NALCN: variants seen among roughly 807,000 people sequenced by gnomAD.
The protein encoded by NALCN is sodium leak channel NALCN.
A neutral mutation model predicts 225.3 loss-of-function variants in NALCN; 111 were observed. That is an observed-to-expected ratio of 0.49 (90% confidence interval 0.42 to 0.58). The LOEUF (loss-of-function observed/expected upper bound fraction) is 0.58, where lower values mean the gene tolerates loss of function less well. Among genes scored for constraint, NALCN ranks in the 20% least tolerant of loss-of-function variants. NALCN has a pLI of 0.00. For synonymous variants in NALCN, 764 were observed against 769.0 expected (o/e 0.99, Z 0.11); for missense variants, 1,378 against 2,202.4 (o/e 0.63, Z 7.49).
chr13:101,216,020 G>C (rs994149726), intron 13 of NALCN, among the ~76,000 whole-genome samples: 7 of 152,096 alleles, frequency 4.6e-5, no homozygotes, highest in African/African-American at 1.7e-4. Context: ...CGAAGGGTAG[G>C]GGATGATGCA....
chr13:101,194,383 C>G (rs1339918688), intron 13 of NALCN, among the ~76,000 whole-genome samples: 2 of 152,090 alleles, frequency 1.3e-5, no homozygotes, highest in Non-Finnish European at 2.9e-5. Flanking sequence ...ATGAATAAAC[C>G]AATGAAAGGT....
intron 15 of NALCN, among the ~76,000 whole-genome samples, chr13:101,155,690 C>A (rs536377602): frequency 1.3e-5 from 2 of 152,218 alleles, no homozygotes; most frequent in South Asian, 2.1e-4. Flanking sequence ...CCAACTGACA[C>A]TTAGAAGAAT....
In NALCN at chr13:101,237,810, C is replaced by T; in HGVS notation, c.1379G>A (p.Gly460Glu). Reference protein sequence around the residue: ...LHKFELLLVIGTTLHVYPDLY... With the variant: ...LHKFELLLVIETTLHVYPDLY... Reference sequence around the variant, plus strand: ...ATCTGGGTATACATGAAGAGTAGTTCCAATTACGAGTAGTAGTTCGAATTT... The same window carrying T: ...ATCTGGGTATACATGAAGAGTAGTTTCAATTACGAGTAGTAGTTCGAATTT... Residue 460 changes from glycine (G) to glutamate (E), a missense_variant, in exon 12 of 44, where the codon GGA becomes GAA. Gly to Glu is a moderately conservative substitution (Grantham distance 98, BLOSUM62 -2). Around this residue, in one of 19 missense-constraint regions of NALCN, gnomAD observed 144 missense variants for 187.7 expected, o/e 0.77. Transcript: ENST00000251127. 2.5e-6 allele frequency: 4 copies of T among 1,606,612 alleles called. No homozygotes were observed. Among genetic ancestry groups the T allele is most frequent in the Non-Finnish European group, 3.4e-6 (4 of 1,176,782 alleles).
intron 14 of NALCN, among the ~76,000 whole-genome samples, chr13:101,191,066 T>C (rs2039659828): frequency 6.6e-6 from 1 of 152,190 alleles, no homozygotes; most frequent in African/African-American, 2.4e-5. Flanking sequence ...AATAATATTG[T>C]AAGATATTTT....
At chr13:101,151,421 C>T (rs1370403725) in intron 15 of NALCN, among the ~76,000 whole-genome samples, 1 of 152,016 alleles carries the variant, frequency 6.6e-6, no homozygotes, top group African/African-American at 2.4e-5. Context: ...CAAAAGAAAA[C>T]AATTTAAAAA....
In NALCN at chr13:101,199,705, G is replaced by A. The variant is rs1045010133; in HGVS notation, c.1627-7651C>T. On this transcript the variant is annotated intron_variant, in intron 13 of 43. Transcript: ENST00000251127. ...AGGAGATATAGCTAATGTAAATGAC[G>A]AGTTAATGGGTGCAGCACACTAACA... 4.0e-5 allele frequency among the ~76,000 whole-genome samples: 6 copies of A among 149,876 alleles called. No individual in the cohort carries two copies. In the East Asian group the frequency reaches 6.1e-4, roughly 15 times the overall value.
At chr13:101,249,662 G>A (rs2042003746) in intron 11 of NALCN, among the ~76,000 whole-genome samples, 1 of 152,104 alleles carries the variant, frequency 6.6e-6, no homozygotes, top group Admixed American at 6.6e-5. Flanking sequence ...AGTCTGTGTA[G>A]TCAGCTCAGT....
At chr13:101,083,844 T>A (rs1401336521) in intron 30 of NALCN, 40 bp from the exon 31 acceptor site, 2 of 1,592,820 alleles carry the variant, frequency 1.3e-6, no homozygotes, top group South Asian at 1.1e-5. Flanking sequence ...CCTTTTGTCA[T>A]GTGCTTGCAC....
chr13:101,249,979 A>G (rs2042014643), intron 11 of NALCN, among the ~76,000 whole-genome samples: 1 of 152,174 alleles, frequency 6.6e-6, no homozygotes, highest in South Asian at 2.1e-4. Flanking sequence ...TTATCTACAT[A>G]GAAATTCCAA....
intron 15 of NALCN, among the ~76,000 whole-genome samples, chr13:101,170,077 A>G (rs1031536526): frequency 6.8e-6 from 1 of 146,272 alleles, no homozygotes; most frequent in African/African-American, 2.4e-5. Context: ...GACAAAATGG[A>G]CATGCAAATG....
chr13:101,265,823 T>A (rs776698872), intron 10 of NALCN, among the ~76,000 whole-genome samples: 32 of 152,146 alleles, frequency 2.1e-4, no homozygotes, highest in Non-Finnish European at 4.0e-4. Context: ...TTGCCTTGTA[T>A]CAGACAGTCA....
chr13:101,162,290 G>C (rs548711240), intron 15 of NALCN, among the ~76,000 whole-genome samples: 22 of 152,308 alleles, frequency 1.4e-4, no homozygotes, highest in African/African-American at 5.1e-4. Flanking sequence ...TGGGAGCAAA[G>C]AACTTACTTA....
At chr13:101,108,409 A>C (rs2035256863) in intron 20 of NALCN, among the ~76,000 whole-genome samples, 1 of 152,178 alleles carries the variant, frequency 6.6e-6, no homozygotes, top group South Asian at 2.1e-4. Context: ...AGACAGATAA[A>C]AAATAATTCA....
At chr13:101,259,157 C>T (rs2042334861) in intron 10 of NALCN, among the ~76,000 whole-genome samples, 1 of 152,034 alleles carries the variant, frequency 6.6e-6, no homozygotes, top group African/African-American at 2.4e-5. Context: ...TAACTCATAA[C>T]AGCCCTAGGA....
At chr13:101,320,802 G>C (rs576041) in intron 7 of NALCN, among the ~76,000 whole-genome samples, 50,348 of 151,864 alleles carry the variant, frequency 0.33, 8,788 homozygotes, top group Non-Finnish European at 0.4. Context: ...TCTTGGAATG[G>C]GGATAGCTAT....
rs113632637 is a variant in NALCN, at chr13:101,129,828, C to G, written c.2119-5147G>C. Among the ~76,000 whole-genome samples the G allele has an allele frequency of 9.1e-3, 1,378 of 151,842 alleles. 20 individuals are homozygous for G. The highest frequency in any genetic ancestry group is 0.031 in the African/African-American group (1,290 of 41,394). On this transcript the variant is annotated intron_variant, in intron 17 of 43. Coordinates refer to ENST00000251127, the MANE Select transcript of NALCN (RefSeq NM_052867.4). ...CAGTGGTTGGCTGCACCCATCAACCCGTCATCTACATTAGGTATTTCTCCT... is the reference window on the plus strand; with the variant it reads ...CAGTGGTTGGCTGCACCCATCAACCGGTCATCTACATTAGGTATTTCTCCT...
At chr13:101,070,948 C>T (rs2032835244) in intron 37 of NALCN, among the ~76,000 whole-genome samples, 1 of 151,954 alleles carries the variant, frequency 6.6e-6, no homozygotes, top group African/African-American at 2.4e-5. Context: ...CAAATATGTT[C>T]TTCTTCACAT....
At chr13:101,059,124 C>T (rs978459315) in intron 42 of NALCN, 4 of 152,510 alleles carry the variant, frequency 2.6e-5, no homozygotes, top group African/African-American at 9.6e-5. Context: ...AACCTCAAAT[C>T]GTAATTGCTG....
chr13:101,143,166 G>A lies in NALCN; in HGVS notation c.2032C>T (p.Leu678=), dbSNP rs780159603. 1 of 1,614,100 alleles carries A rather than the reference G, an allele frequency of 6.2e-7. No homozygotes were observed. Among genetic ancestry groups the A allele is most frequent in the East Asian group, 2.2e-5 (1 of 44,874 alleles). Residue 678 remains leucine, a synonymous_variant, in exon 17 of 44, where the codon CTG becomes TTG. Coordinates refer to ENST00000251127, the MANE Select transcript of NALCN (RefSeq NM_052867.4). Reference sequence around the variant, plus strand: ...GAAGAGGTGGTCGGGAGGCTTCTCAGGAGGCAACATGTGTCCTGTTGCTGG... The same window carrying A: ...GAAGAGGTGGTCGGGAGGCTTCTCAAGAGGCAACATGTGTCCTGTTGCTGG... ...DRQQQDTCCL[L]RSLPTTSSSS...
Sources: gnomAD v4.1 joint callset for allele counts (sites outside exome capture counted in the v4.1 genomes callset) on GRCh38, gnomAD v4.1.1 for gene constraint, gnomAD v4.1.1 regional missense constraint, MANE v1.5 for transcripts, NCBI Gene and HGNC (gene_info 2026-07-23, HGNC 2026-07-21) for gene names.